GRIK3: variants seen among roughly 807,000 people sequenced by gnomAD.
GRIK3 encodes glutamate receptor ionotropic, kainate 3.
Under a neutral mutation model 102.5 loss-of-function variants are expected in GRIK3, and 29 were observed. The ratio of observed to expected loss-of-function variants is 0.28; its 90% CI spans 0.21 to 0.39. The LOEUF is 0.39. GRIK3 is among the 10% of genes least tolerant of loss of function. The probability of loss-of-function intolerance (pLI) is 1.00; values close to 1 mark genes in which losing one functional copy is unlikely to be tolerated. For missense variants in GRIK3, 908 were observed against 1,252.4 expected (o/e 0.73, Z 4.15); for synonymous variants, 511 against 504.9 (o/e 1.01, Z -0.16).
chr1:36,948,346 C>T (rs936195387), intron 1 of GRIK3, among the ~76,000 whole-genome samples: 1 of 152,232 alleles, frequency 6.6e-6, no homozygotes, highest in African/African-American at 2.4e-5. Flanking sequence ...ACGTGCCAGG[C>T]TCCATGCTGA....
intron 1 of GRIK3, among the ~76,000 whole-genome samples, chr1:36,899,351 A>C (rs1641207751): frequency 6.6e-6 from 1 of 152,204 alleles, no homozygotes; most frequent in South Asian, 2.1e-4. Context: ...GAAAAGAAGG[A>C]AATTCGGACA....
intron 1 of GRIK3, among the ~76,000 whole-genome samples, chr1:36,937,962 C>T (rs1469919947): frequency 6.6e-6 from 1 of 152,204 alleles, no homozygotes; most frequent in African/African-American, 2.4e-5. Context: ...AGCCTTTATA[C>T]ATTCTTTTGG....
intron 9 of GRIK3, among the ~76,000 whole-genome samples, chr1:36,842,681 G>A (rs1315896272): frequency 1.3e-5 from 2 of 152,232 alleles, no homozygotes; most frequent in African/African-American, 4.8e-5. Context: ...CCCATGGGGG[G>A]CCTAGCACAG....
At chr1:36,973,669 T>C (rs1368638826) in intron 1 of GRIK3, among the ~76,000 whole-genome samples, 1 of 151,734 alleles carries the variant, frequency 6.6e-6, no homozygotes, top group East Asian at 1.9e-4. Context: ...CCTCAGGTGA[T>C]CCACCTACCT....
Position 36,819,626 on chromosome 1 carries a change from T to A in GRIK3, c.1873+110A>T. On this transcript the variant is annotated intron_variant, in intron 12 of 15. Transcript: ENST00000373091. This position sits in a 1 kb window ranked among gnomAD's most constrained non-coding sequence, Gnocchi z 4.1. ...CCAAACTTCTGCCGGCTCATCAGGG[T>A]CTGAGGCTACCCCTAGAGGTGTGGG... 2 of 686,450 alleles carry A rather than the reference T, an allele frequency of 2.9e-6. No homozygotes were observed. The highest frequency in any genetic ancestry group is 5.2e-5 in the East Asian group (2 of 38,192). The allele number at this position is 686,450 out of a possible 1,614,324, so 42.5% of individuals were successfully genotyped here. A position where few individuals can be genotyped will look rare whatever the true frequency, so the allele number is the denominator to read the frequency against.
chr1:36,899,394 T>C (rs150138592), intron 1 of GRIK3, among the ~76,000 whole-genome samples: 2 of 152,142 alleles, frequency 1.3e-5, no homozygotes, highest in Non-Finnish European at 2.9e-5. Flanking sequence ...TTGAGGACAG[T>C]AGGCTAAGTG....
At chr1:36,809,164 T>TCCAA (rs1422743235) in intron 13 of GRIK3, among the ~76,000 whole-genome samples, 2 of 151,528 alleles carry the variant, frequency 1.3e-5, no homozygotes, top group African/African-American at 4.8e-5. Flanking sequence ...CATCCATCCA[T>TCCAA]CCATCCATCC....
At chr1:37,006,814 C>A (rs1202936977) in intron 1 of GRIK3, among the ~76,000 whole-genome samples, 1 of 152,144 alleles carries the variant, frequency 6.6e-6, no homozygotes, top group Non-Finnish European at 1.5e-5. Context: ...GTGCTCAGCA[C>A]CTTAGGAGGG....
Position 36,948,148 on chromosome 1 carries a change from G to A in GRIK3, c.116-57052C>T, listed in dbSNP as rs562512126. Among the ~76,000 whole-genome samples, 175 of 152,280 alleles carry A rather than the reference G, an allele frequency of 1.1e-3. 2 individuals carry two copies. The South Asian group carries it at 0.03, about 26-fold the overall frequency. Reference sequence around the variant, plus strand: ...CATGCAACACCTGGTATCAAACTGGGGCAGTACTAGGTACTCAGTACATAT... The same window carrying A: ...CATGCAACACCTGGTATCAAACTGGAGCAGTACTAGGTACTCAGTACATAT... On this transcript the variant is annotated intron_variant, in intron 1 of 15. Transcript: ENST00000373091.
At chr1:36,953,141 C>A (rs953890332) in intron 1 of GRIK3, among the ~76,000 whole-genome samples, 3 of 152,240 alleles carry the variant, frequency 2.0e-5, no homozygotes, top group Non-Finnish European at 4.4e-5. Flanking sequence ...AGACACAACA[C>A]TTCACTGCTA....
rs186801661 is a variant in GRIK3, at chr1:36,858,112, C to G, written c.1104+996G>C. On this transcript the variant is annotated intron_variant, in intron 7 of 15. Transcript: ENST00000373091. ...GCTTCCCCCACTGCCCTTGGTGTTGCCTTGGACATGGTCACTCCCTCTGGC... is the reference window on the plus strand; with the variant it reads ...GCTTCCCCCACTGCCCTTGGTGTTGGCTTGGACATGGTCACTCCCTCTGGC... Among the ~76,000 whole-genome samples the G allele has an allele frequency of 2.6e-3, 396 of 152,302 alleles. 2 individuals are homozygous for G. Among genetic ancestry groups the G allele is most frequent in the Middle Eastern group, 6.8e-3 (2 of 294 alleles).
intron 1 of GRIK3, among the ~76,000 whole-genome samples, chr1:37,007,888 G>A (rs1642549113): frequency 6.6e-6 from 1 of 152,188 alleles, no homozygotes; most frequent in African/African-American, 2.4e-5. Context: ...AGGTGGAAGT[G>A]GGGGCCCTAA....
chr1:36,811,596 C>A (rs1470315596), intron 13 of GRIK3, among the ~76,000 whole-genome samples: 1 of 152,172 alleles, frequency 6.6e-6, no homozygotes, highest in Non-Finnish European at 1.5e-5. Context: ...CACATTTAAT[C>A]ATCTCAATGG....
At chr1:36,864,841 ATT>A (rs570003008) in intron 5 of GRIK3, among the ~76,000 whole-genome samples, 22 of 134,346 alleles carry the variant, frequency 1.6e-4, no homozygotes, top group East Asian at 1.6e-3. Flanking sequence ...GTCCAGCTCC[ATT>A]TTTTTTTTTT....
At chr1:37,004,376 A>G (rs1642509894) in intron 1 of GRIK3, among the ~76,000 whole-genome samples, 1 of 152,214 alleles carries the variant, frequency 6.6e-6, no homozygotes. Context: ...AGAGGTAGGG[A>G]ATTGTTACTG....
intron 1 of GRIK3, among the ~76,000 whole-genome samples, chr1:36,989,959 T>C (rs542624357): frequency 2.0e-4 from 30 of 152,296 alleles, no homozygotes; most frequent in African/African-American, 6.5e-4. Flanking sequence ...ACTATTATTC[T>C]TACGCTTGAT....
chr1:36,956,153 AT>A (rs1641903576), intron 1 of GRIK3, among the ~76,000 whole-genome samples: 1 of 152,022 alleles, frequency 6.6e-6, no homozygotes, highest in Non-Finnish European at 1.5e-5. Context: ...TTTCAACATC[AT>A]CCTCTCCCCT....
At chr1:36,894,187 A>T (rs1179575975) in intron 1 of GRIK3, among the ~76,000 whole-genome samples, 1 of 151,820 alleles carries the variant, frequency 6.6e-6, no homozygotes. Flanking sequence ...TTTCATTCCC[A>T]CTCCCAGGCA....
intron 11 of GRIK3, among the ~76,000 whole-genome samples, chr1:36,821,511 T>G (rs1417547825): frequency 1.3e-5 from 2 of 152,184 alleles, no homozygotes. Context: ...GGGGTCGGGC[T>G]GATGGGTGCT....
Sources: allele counts gnomAD v4.1 joint callset (sites outside exome capture counted in the v4.1 genomes callset), GRCh38; gene constraint gnomAD v4.1.1; non-coding constraint Gnocchi (gnomAD v3.1); transcripts MANE v1.5; gene names NCBI Gene and HGNC (gene_info 2026-07-23, HGNC 2026-07-21).